Variants in CALD1 observed in about 807,000 individuals in gnomAD.
CALD1 encodes caldesmon 1.
CALD1 carries 33 observed loss-of-function variants against 99.9 expected under a neutral mutation model. The ratio of observed to expected loss-of-function variants is 0.33; its 90% CI spans 0.25 to 0.44. The LOEUF (loss-of-function observed/expected upper bound fraction) is 0.44. CALD1 is among the 20% of genes least tolerant of loss of function. The pLI is 1.00. For missense variants in CALD1, 861 were observed against 962.1 expected (o/e 0.89, Z 1.39); for synonymous variants, 310 against 325.0 (o/e 0.95, Z 0.50).
At chr7:134,720,923 C>T in the CALD1 span, among the ~76,000 whole-genome samples, 1 of 152,146 alleles carries the variant, frequency 6.6e-6, no homozygotes, top group African/African-American at 2.4e-5. Flanking sequence ...TGTCATATTA[C>T]ACTAGATTTA....
intron 1 of CALD1, among the ~76,000 whole-genome samples, chr7:134,765,043 G>A (rs113630192): frequency 0.037 from 5,568 of 152,248 alleles, 247 homozygotes; most frequent in African/African-American, 0.11. Flanking sequence ...CAGGCTGGGC[G>A]CGGTGGCTCA....
intron 1 of CALD1, among the ~76,000 whole-genome samples, chr7:134,793,231 G>C (rs1346933629): frequency 1.3e-5 from 2 of 152,250 alleles, no homozygotes; most frequent in African/African-American, 2.4e-5. Context: ...AGGGCCCAAA[G>C]AGGGTGGCCC....
chr7:134,767,769 T>C (rs2131618107), intron 1 of CALD1, among the ~76,000 whole-genome samples: 1 of 152,332 alleles, frequency 6.6e-6, no homozygotes, highest in South Asian at 2.1e-4. Context: ...CTGTCAGAGC[T>C]TCCCCATTAG....
intron 3 of CALD1, among the ~76,000 whole-genome samples, chr7:134,869,659 G>A (rs1334802722): frequency 6.6e-6 from 1 of 152,198 alleles, no homozygotes; most frequent in African/African-American, 2.4e-5. Context: ...GAGAGGAGCA[G>A]TGTTTAATTT....
At position 134,896,832 on chromosome 7, in the gene CALD1, T is replaced by C. The variant is rs550014854; in HGVS notation, c.71+29028T>C. 8.5e-5 allele frequency among the ~76,000 whole-genome samples: 13 copies of C among 152,356 alleles called. No homozygotes were observed. In the South Asian group the frequency reaches 2.1e-3, roughly 24 times the overall value. On this transcript the variant is annotated intron_variant, in intron 3 of 14. Transcript: ENST00000361675. ...AATGGGGAAGAGGTCCTCTGTCCTC[T>C]GGAGGCGAACTTACCCCTGGCATTT...
At position 134,967,493 on chromosome 7, in the gene CALD1, G is replaced by A. The variant is rs369187848; in HGVS notation, c.2377-847G>A. ...AGCAACTAGCTGAGGGGGAGAGAAT[G>A]GTGTAAGAATAGGACTATAGGTCAG... On this transcript the variant is annotated intron_variant, in intron 14 of 14. Transcript: ENST00000361675. Among the ~76,000 whole-genome samples the A allele has an allele frequency of 1.2e-4, 19 of 152,152 alleles. 1 individual carries two copies. The South Asian group carries it at 3.9e-3, about 32-fold the overall frequency.
intron 3 of CALD1, chr7:134,891,344 T>C: frequency 1.7e-6 from 2 of 1,197,094 alleles, no homozygotes; most frequent in Non-Finnish European, 2.1e-6. Flanking sequence ...GGGCTTCTAT[T>C]AGAGAGATTA....
intron 3 of CALD1, among the ~76,000 whole-genome samples, chr7:134,906,130 A>G (rs560840702): frequency 6.6e-6 from 1 of 151,466 alleles, no homozygotes; most frequent in East Asian, 2.0e-4. Flanking sequence ...GGGTTTCACA[A>G]TGTTGGCCAG....
At chr7:134,944,327 T>C (rs1409646641) in intron 7 of CALD1, 1 of 151,954 alleles carries the variant, frequency 6.6e-6, no homozygotes, top group African/African-American at 2.4e-5. Context: ...GTATATATTT[T>C]TATAACTGAA....
chr7:134,844,924 G>T (rs116256141), intron 2 of CALD1, among the ~76,000 whole-genome samples: 80 of 152,270 alleles, frequency 5.3e-4, no homozygotes, highest in African/African-American at 1.8e-3. Context: ...ACTCTTTGAA[G>T]AACTCATCTC....
chr7:134,728,758 C>T, the CALD1 span, among the ~76,000 whole-genome samples: 1 of 152,056 alleles, frequency 6.6e-6, no homozygotes, highest in African/African-American at 2.4e-5. Flanking sequence ...CGTTCTATCC[C>T]TTGAGGTTAA....
At chr7:134,910,540 G>A (rs1210523801) in intron 3 of CALD1, among the ~76,000 whole-genome samples, 1 of 152,160 alleles carries the variant, frequency 6.6e-6, no homozygotes, top group Admixed American at 6.5e-5. Context: ...GAGTTATGGA[G>A]GTAAAAAGGC....
intron 3 of CALD1, chr7:134,891,504 C>T (rs1014940689): frequency 7.4e-6 from 11 of 1,483,114 alleles, no homozygotes; most frequent in South Asian, 2.7e-5. Flanking sequence ...CATCCTGCAC[C>T]GTGCATTTCA....
At chr7:134,891,856 G>A (rs994720119) in intron 3 of CALD1, among the ~76,000 whole-genome samples, 3 of 151,578 alleles carry the variant, frequency 2.0e-5, no homozygotes, top group Non-Finnish European at 4.4e-5. Flanking sequence ...GAAACTTTCT[G>A]GTTTCCACTT....
chr7:134,779,630 G>T, upstream of CALD1: 1 of 398,796 alleles, frequency 2.5e-6, no homozygotes, highest in South Asian at 1.3e-4. Flanking sequence ...TTATTGAATA[G>T]AGCAGTGTGT....
intron 1 of CALD1, among the ~76,000 whole-genome samples, chr7:134,749,224 GAAAAGGGACTTATTTGTTT>G (rs1035351238): frequency 1.3e-5 from 2 of 152,226 alleles, no homozygotes; most frequent in Non-Finnish European, 2.9e-5. Flanking sequence ...AATGAAAAGA[GAAAAGGGACTTATTTGTTT>G]GTCTTCAAAG....
rs1434544826 is a variant in CALD1 at position 134,884,624 on chromosome 7, A to T, written c.71+16820A>T. Among the ~76,000 whole-genome samples, 3 of 103,128 alleles carry T rather than the reference A, an allele frequency of 2.9e-5. No homozygotes were observed. The Admixed American group carries it at 3.5e-4, about 12-fold the overall frequency. 67.7% of individuals were successfully genotyped at this position (103,128 alleles called of 152,430 possible). On this transcript the variant is annotated intron_variant, in intron 3 of 14. Coordinates refer to ENST00000361675, the MANE Select transcript of CALD1 (RefSeq NM_033138.4). ...ATCCAATTTCTGGTGCAGAACTGTT[A>T]TGAATACTCCAAAAAAAAAAAAAGG...
chr7:134,887,376 C>G (rs971994765), intron 3 of CALD1, among the ~76,000 whole-genome samples: 11 of 152,158 alleles, frequency 7.2e-5, no homozygotes, highest in South Asian at 2.1e-4. Context: ...TCCTGTTCAC[C>G]TTGGGGTGGG....
At chr7:134,850,993 C>T (rs1464788921) in intron 2 of CALD1, among the ~76,000 whole-genome samples, 2 of 152,206 alleles carry the variant, frequency 1.3e-5, no homozygotes, top group Admixed American at 1.3e-4. Flanking sequence ...TCACCTTCCA[C>T]CATGATTGTG....
Sources: allele counts gnomAD v4.1 joint callset (sites outside exome capture counted in the v4.1 genomes callset), GRCh38; gene constraint gnomAD v4.1.1; transcripts MANE v1.5; gene names NCBI Gene and HGNC (gene_info 2026-07-23, HGNC 2026-07-21).